Variants in RP1 observed in about 807,000 individuals in gnomAD.
The protein encoded by RP1 is RP1 axonemal microtubule associated.
A neutral mutation model predicts 14.8 loss-of-function variants in RP1; 16 were observed. The observed-to-expected ratio is 1.08, with a 90% CI of 0.73 to 1.65. The LOEUF (loss-of-function observed/expected upper bound fraction) is 1.65, where lower values mean the gene tolerates loss of function less well. RP1 is among the 40% of genes most tolerant of loss of function. The pLI is 0.00. For synonymous variants in RP1, 876 were observed against 883.6 expected (o/e 0.99, Z 0.15); for missense variants, 2,631 against 2,535.0 (o/e 1.04, Z -0.81).
intron 24 of RP1, among the ~76,000 whole-genome samples, chr8:54,814,084 C>T (rs1026578811): frequency 6.6e-6 from 1 of 152,200 alleles, no homozygotes; most frequent in African/African-American, 2.4e-5. Flanking sequence ...AGAGAATCTC[C>T]TTACCTCAAC....
At chr8:54,587,805 T>C (rs770551352) in intron 1 of RP1, among the ~76,000 whole-genome samples, 4 of 152,258 alleles carry the variant, frequency 2.6e-5, no homozygotes, top group Non-Finnish European at 4.4e-5. Context: ...TCTGTGAGTC[T>C]ATAGAAAGGT....
At chr8:54,858,842 G>A (rs1424932174) in intron 27 of RP1, among the ~76,000 whole-genome samples, 1 of 152,154 alleles carries the variant, frequency 6.6e-6, no homozygotes, top group East Asian at 1.9e-4. Context: ...CAGTGCTGCT[G>A]TAGAGTAGTG....
chr8:54,726,002 T>C (rs1176318102), intron 16 of RP1, among the ~76,000 whole-genome samples: 1 of 152,164 alleles, frequency 6.6e-6, no homozygotes, highest in Non-Finnish European at 1.5e-5. Context: ...AGTTTCCCCT[T>C]TTGAGGAAGG....
Position 54,696,688 on chromosome 8 carries a change from TG to T in RP1, c.1718-2777del. The T allele has an allele frequency of 4.1e-6, 3 of 733,072 alleles. No individual in the cohort carries two copies. In the South Asian group the frequency reaches 4.6e-5, roughly 11 times the overall value. The allele number at this position is 733,072 out of a possible 1,614,324, so 45.4% of individuals were successfully genotyped here. A position where few individuals can be genotyped will look rare whatever the true frequency, so the allele number is the denominator to read the frequency against. On this transcript the variant is annotated intron_variant, in intron 12 of 22. Transcript: ENST00000636932. ...TTGTTGTACGCATCAAAAGGATTGA[TG>T]GTGTGATTTTACTGGTGCAGAGAAC...
At chr8:54,705,735 C>G (rs911562045) in intron 14 of RP1, among the ~76,000 whole-genome samples, 5 of 152,174 alleles carry the variant, frequency 3.3e-5, no homozygotes, top group African/African-American at 9.6e-5. Context: ...AAACACCCAC[C>G]TCACTGACCT....
chr8:54,759,681 CCAAGAA>C (rs1275518839), intron 22 of RP1, among the ~76,000 whole-genome samples: 2 of 152,208 alleles, frequency 1.3e-5, no homozygotes, highest in African/African-American at 4.8e-5. Context: ...ACCTGTTTTT[CCAAGAA>C]GAAGCCTGGT....
chr8:54,813,065 T>C (rs955769488), intron 24 of RP1, among the ~76,000 whole-genome samples: 1 of 152,200 alleles, frequency 6.6e-6, no homozygotes, highest in African/African-American at 2.4e-5. Context: ...GGTGAGGAGG[T>C]GTTAACGGGA....
rs1188223184 is a variant in RP1, at chr8:54,630,503, T to C, written c.*150T>C. On this transcript the variant is annotated 3_prime_UTR_variant, in exon 4 of 4. Transcript: ENST00000220676. Reference sequence around the variant, plus strand: ...AAAGCTTACCCTTGGATAACCAGTTTGACTTTCATAATGTCTCTGTTTTTT... The same window carrying C: ...AAAGCTTACCCTTGGATAACCAGTTCGACTTTCATAATGTCTCTGTTTTTT... The C allele has an allele frequency of 6.9e-7, 1 of 1,458,270 alleles. No individual in the cohort carries two copies. The highest frequency in any genetic ancestry group is 9.0e-7 in the Non-Finnish European group (1 of 1,111,640). 90.3% of individuals were successfully genotyped at this position (1,458,270 alleles called of 1,614,324 possible). A position where few individuals can be genotyped will look rare whatever the true frequency, so the allele number is the denominator to read the frequency against.
chr8:54,759,809 G>A (rs1230627458), intron 22 of RP1, among the ~76,000 whole-genome samples: 2 of 152,162 alleles, frequency 1.3e-5, no homozygotes, highest in South Asian at 2.1e-4. Flanking sequence ...AATAGGCTGA[G>A]CCCTGACTTA....
intron 26 of RP1, among the ~76,000 whole-genome samples, chr8:54,855,060 CTCTCCAT>C (rs1167227458): frequency 6.6e-6 from 1 of 152,184 alleles, no homozygotes; most frequent in Non-Finnish European, 1.5e-5. Flanking sequence ...CATTAAACGA[CTCTCCAT>C]TCTTCAGTCC....
intron 1 of RP1, among the ~76,000 whole-genome samples, chr8:54,583,261 G>C: frequency 6.6e-6 from 1 of 152,180 alleles, no homozygotes; most frequent in Non-Finnish European, 1.5e-5. Flanking sequence ...AGATAGTCAT[G>C]TGGTTTTTGT....
intron 16 of RP1, among the ~76,000 whole-genome samples, chr8:54,724,620 G>A (rs1280013641): frequency 6.6e-6 from 1 of 152,034 alleles, no homozygotes; most frequent in Non-Finnish European, 1.5e-5. Flanking sequence ...GGCTACTAAG[G>A]GTTGCTACAA....
chr8:54,656,993 T>C (rs1335852575), intron 6 of RP1, among the ~76,000 whole-genome samples: 2 of 152,104 alleles, frequency 1.3e-5, no homozygotes, highest in Non-Finnish European at 2.9e-5. Context: ...TGAGGGAACA[T>C]AGACTGGTAA....
upstream of RP1, among the ~76,000 whole-genome samples, chr8:54,614,913 TTAAAGA>T (rs1805680536): frequency 6.6e-6 from 1 of 152,170 alleles, no homozygotes; most frequent in Non-Finnish European, 1.5e-5. Flanking sequence ...GATTATAGAA[TTAAAGA>T]TAAAGTCAAG....
At chr8:54,727,455 C>T (rs893452702) in intron 17 of RP1, among the ~76,000 whole-genome samples, 5 of 151,908 alleles carry the variant, frequency 3.3e-5, no homozygotes, top group Admixed American at 2.0e-4. Context: ...GCATGCTAGC[C>T]GAAATCCCTG....
intron 28 of RP1, among the ~76,000 whole-genome samples, chr8:54,869,246 A>G (rs1166933788): frequency 6.6e-6 from 1 of 152,218 alleles, no homozygotes; most frequent in Non-Finnish European, 1.5e-5. Context: ...GCCACAAGCC[A>G]CATATGTCTA....
chr8:54,679,779 T>G, intron 11 of RP1: 1 of 1,533,806 alleles, frequency 6.5e-7, no homozygotes, highest in Non-Finnish European at 8.7e-7. Flanking sequence ...TGTTTTCATT[T>G]GTTTTGCTTT....
upstream of RP1, among the ~76,000 whole-genome samples, chr8:54,613,045 G>T (rs1805633726): frequency 6.6e-6 from 1 of 152,148 alleles, no homozygotes; most frequent in Non-Finnish European, 1.5e-5. Context: ...TGAAGGCAAG[G>T]ATTTTTTTCT....
intron 24 of RP1, among the ~76,000 whole-genome samples, chr8:54,797,530 A>AAAC (rs1554534257): frequency 6.7e-6 from 1 of 148,294 alleles, no homozygotes; most frequent in African/African-American, 2.5e-5. Context: ...CATAGGACTA[A>AAAC]ACACACACAC....
Sources: gnomAD v4.1 joint callset for allele counts (sites outside exome capture counted in the v4.1 genomes callset) on GRCh38, gnomAD v4.1.1 for gene constraint, MANE v1.5 for transcripts, NCBI Gene and HGNC (gene_info 2026-07-23, HGNC 2026-07-21) for gene names.